Variants in SHANK2 observed in about 807,000 individuals in gnomAD.
SHANK2 encodes the protein SH3 and multiple ankyrin repeat domains 2.
A neutral mutation model predicts 133.7 loss-of-function variants in SHANK2; 43 were observed. The observed-to-expected ratio is 0.32, with a 90% CI of 0.25 to 0.41. SHANK2 has a LOEUF of 0.41. Among genes scored for constraint, SHANK2 ranks in the 10% least tolerant of loss-of-function variants. The pLI is 1.00. For missense variants in SHANK2, 1,994 were observed against 2,235.8 expected (o/e 0.89, Z 2.18); for synonymous variants, 1,017 against 952.8 (o/e 1.07, Z -1.24).
rs1219499861 is a variant in SHANK2, at chr11:70,807,389, C to T, written c.1494-218G>A. On this transcript the variant is annotated intron_variant, in intron 12 of 25. Transcript: ENST00000601538. This position sits in a 1 kb window ranked among gnomAD's most constrained non-coding sequence, Gnocchi z 4.8. ...ATCCCACTCGCAGGTCTGCCCCGCA[C>T]AGACAGAAAGCTGCCACTCGGGGAG... 2.0e-5 allele frequency among the ~76,000 whole-genome samples: 3 copies of T among 152,336 alleles called. No homozygotes were observed. The highest frequency in any genetic ancestry group is 2.9e-5 in the Non-Finnish European group (2 of 68,028).
intron 11 of SHANK2, among the ~76,000 whole-genome samples, chr11:70,822,393 C>T (rs1051687926): frequency 6.6e-6 from 1 of 152,240 alleles, no homozygotes; most frequent in African/African-American, 2.4e-5. Context: ...GTGGCAGTGA[C>T]GAAGCTCTTG....
At chr11:70,513,431 G>C (rs774460384) in intron 17 of SHANK2, among the ~76,000 whole-genome samples, 1 of 152,192 alleles carries the variant, frequency 6.6e-6, no homozygotes, top group African/African-American at 2.4e-5. Flanking sequence ...GCAGACAAAG[G>C]TTGCAATTTG....
intron 14 of SHANK2, among the ~76,000 whole-genome samples, chr11:70,794,368 C>T (rs1947864323): frequency 1.3e-5 from 2 of 151,750 alleles, no homozygotes; most frequent in Admixed American, 1.3e-4. Context: ...GAAGTTGGGC[C>T]CGAGAGTACA....
At chr11:71,126,433 G>A (rs1489236988) in intron 3 of SHANK2, among the ~76,000 whole-genome samples, 4 of 152,080 alleles carry the variant, frequency 2.6e-5, no homozygotes, top group Non-Finnish European at 4.4e-5. Context: ...GAGTGCTGAT[G>A]GAGATGTACA....
At chr11:71,201,413 G>A (rs1484693820) in intron 2 of SHANK2, among the ~76,000 whole-genome samples, 8 of 152,350 alleles carry the variant, frequency 5.3e-5, no homozygotes, top group African/African-American at 1.7e-4. Flanking sequence ...CCGAGCTGGC[G>A]TGTGCCACAA....
chr11:70,740,852 T>C (rs916124908), intron 14 of SHANK2, among the ~76,000 whole-genome samples: 1 of 152,068 alleles, frequency 6.6e-6, no homozygotes, highest in South Asian at 2.1e-4. Context: ...ATCCAGCAGA[T>C]GGGAAAGGGC....
chr11:70,842,812 G>A (rs1426818153), intron 11 of SHANK2, among the ~76,000 whole-genome samples: 4 of 152,178 alleles, frequency 2.6e-5, no homozygotes, highest in East Asian at 1.9e-4. Flanking sequence ...CCCAAGAGAC[G>A]GCCGAGGTGA....
chr11:70,782,095 C>G (rs191262523), intron 14 of SHANK2, among the ~76,000 whole-genome samples: 28 of 152,272 alleles, frequency 1.8e-4, no homozygotes, highest in Non-Finnish European at 4.0e-4. Context: ...AGAGACAGTC[C>G]GCTCTGTTGC....
intron 10 of SHANK2, among the ~76,000 whole-genome samples, chr11:70,917,052 T>C (rs1449462604): frequency 3.3e-5 from 5 of 152,050 alleles, no homozygotes; most frequent in Admixed American, 3.3e-4. Flanking sequence ...GAGAAGCCAC[T>C]ACGCAGCAGG....
At chr11:70,683,131 T>C (rs1945063343) in intron 15 of SHANK2, among the ~76,000 whole-genome samples, 1 of 151,724 alleles carries the variant, frequency 6.6e-6, no homozygotes, top group African/African-American at 2.4e-5. Flanking sequence ...GCTCCCTCCT[T>C]TTTTACTGAA....
chr11:71,151,929 G>A lies in SHANK2; in HGVS notation c.-12-4591C>T, dbSNP rs564427132. 2.7e-5 allele frequency among the ~76,000 whole-genome samples: 4 copies of A among 145,496 alleles called. No individual in the cohort carries two copies. The South Asian group carries it at 8.3e-4, about 30-fold the overall frequency. ...TCGCAGACGCCCACAAGAGCAGTCA[G>A]GGGGGCACGAAGGGGGCGATGCTGG... On this transcript the variant is annotated intron_variant, in intron 2 of 25. Transcript: ENST00000601538.
intron 11 of SHANK2, among the ~76,000 whole-genome samples, chr11:70,867,565 T>C (rs1212104031): frequency 6.6e-6 from 1 of 152,228 alleles, no homozygotes; most frequent in Non-Finnish European, 1.5e-5. Context: ...CAGAAAAGTC[T>C]GCCCAGGCCA....
In SHANK2 at chr11:71,175,547, AG is replaced by A; in HGVS notation, c.-12-28210del. ...CAGACAGACAGACAGAGGGAGAGGGAGAGGGAGAGAGAGAGAGAGAGAGAGA... is the reference window on the plus strand; with the variant it reads ...CAGACAGACAGACAGAGGGAGAGGGAAGGGAGAGAGAGAGAGAGAGAGAGA... On this transcript the variant is annotated intron_variant, in intron 2 of 25. Transcript: ENST00000601538. The surrounding 1 kb of genome is among the most constrained non-coding windows in gnomAD (Gnocchi z 4.2). 6.0e-5 allele frequency among the ~76,000 whole-genome samples: 1 copy of A among 16,618 alleles called. No homozygotes were observed. Among genetic ancestry groups the A allele is most frequent in the East Asian group, 5.7e-3 (1 of 174 alleles). The allele number at this position is 16,618 out of a possible 152,430, so 10.9% of individuals were successfully genotyped here. A position where few individuals can be genotyped will look rare whatever the true frequency, so the allele number is the denominator to read the frequency against.
intron 6 of SHANK2, among the ~76,000 whole-genome samples, chr11:71,098,279 G>A (rs1201384088): frequency 6.6e-6 from 1 of 151,944 alleles, no homozygotes; most frequent in Non-Finnish European, 1.5e-5. Context: ...TTGTGTGTGT[G>A]CATGCCTGTG....
intron 3 of SHANK2, among the ~76,000 whole-genome samples, chr11:71,145,370 C>T (rs559468995): frequency 6.6e-6 from 1 of 152,364 alleles, no homozygotes; most frequent in Admixed American, 6.5e-5. Flanking sequence ...TGTGTTGAGC[C>T]GCATTCAAAG....
At chr11:71,214,510 A>G (rs1158629785) in intron 2 of SHANK2, among the ~76,000 whole-genome samples, 2 of 152,086 alleles carry the variant, frequency 1.3e-5, no homozygotes, top group African/African-American at 4.8e-5. Context: ...GCTTGAGAAA[A>G]CGACCTTCCC....
intron 17 of SHANK2, among the ~76,000 whole-genome samples, chr11:70,518,009 T>A (rs2059286554): frequency 6.6e-6 from 1 of 152,134 alleles, no homozygotes; most frequent in Admixed American, 6.5e-5. Context: ...CCCCATAAAC[T>A]CCTCAAAATA....
At chr11:71,194,381 C>T (rs952834754) in intron 2 of SHANK2, among the ~76,000 whole-genome samples, 6 of 152,150 alleles carry the variant, frequency 3.9e-5, no homozygotes, top group South Asian at 2.1e-4. Flanking sequence ...TGCAGGAAGT[C>T]GGGGCAGGCT....
chr11:70,722,663 T>G (rs1195436581), intron 14 of SHANK2, among the ~76,000 whole-genome samples: 1 of 152,222 alleles, frequency 6.6e-6, no homozygotes, highest in Non-Finnish European at 1.5e-5. Flanking sequence ...ATGTGTCTAT[T>G]AGAGGTGAGA....
Sources: gnomAD v4.1 joint callset for allele counts (sites outside exome capture counted in the v4.1 genomes callset) on GRCh38, gnomAD v4.1.1 for gene constraint, Gnocchi (gnomAD v3.1) non-coding constraint, MANE v1.5 for transcripts, NCBI Gene and HGNC (gene_info 2026-07-23, HGNC 2026-07-21) for gene names.